The following SMC6 variants were observed in gnomAD, a reference collection of about 807,000 sequenced individuals.
SMC6 encodes structural maintenance of chromosomes 6, also known as structural maintenance of chromosomes protein 6.
SMC6 carries 79 observed loss-of-function variants against 142.2 expected under a neutral mutation model. The ratio of observed to expected loss-of-function variants is 0.56; its 90% CI spans 0.46 to 0.67. The LOEUF (loss-of-function observed/expected upper bound fraction) is 0.67, where lower values mean the gene tolerates loss of function less well. Among genes scored for constraint, SMC6 ranks in the 30% least tolerant of loss-of-function variants. The pLI is 0.00. For missense variants in SMC6, 1,072 were observed against 1,284.0 expected (o/e 0.83, Z 2.52); for synonymous variants, 411 against 412.4 (o/e 1.00, Z 0.04).
rs760329724 is a variant in SMC6, at chr2:17,701,941, TAAAA to T, written c.2143-36_2143-33del. The T allele has an allele frequency of 1.1e-5, 13 of 1,195,796 alleles. No individual in the cohort carries two copies. The East Asian group carries it at 3.3e-4, about 30-fold the overall frequency. The allele number at this position is 1,195,796 out of a possible 1,614,324, so 74.1% of individuals were successfully genotyped here. A position where few individuals can be genotyped will look rare whatever the true frequency, so the allele number is the denominator to read the frequency against. On this transcript the variant is annotated intron_variant, in intron 19 of 27. Transcript: ENST00000448223. ...GAAAAGTATTTGGATTTTAGTAACA[TAAAA>T]AAAAATTTAAACCGAAAACCTTGGA...
intron 16 of SMC6, among the ~76,000 whole-genome samples, chr2:17,714,161 C>T (rs1258398413): frequency 1.3e-5 from 2 of 150,450 alleles, no homozygotes; most frequent in African/African-American, 2.4e-5. Context: ...GACCTTGGCT[C>T]GCTGTATCAC....
chr2:17,748,078 T>A (rs1670847363), intron 2 of SMC6, among the ~76,000 whole-genome samples: 1 of 152,168 alleles, frequency 6.6e-6, no homozygotes, highest in Non-Finnish European at 1.5e-5. Flanking sequence ...TGTCATAAAT[T>A]ATAAGGCACA....
rs373338773 is a variant in SMC6, at chr2:17,726,480, C to T, written c.544-11G>A. ...AACTGGATTATCCACCTCAAACAAA[C>T]AAAAAGTCATTTTTGAATATTTTAC... On this transcript the variant is annotated splice_polypyrimidine_tract_variant and intron_variant, in intron 7 of 27. Transcript: ENST00000448223. The T allele has an allele frequency of 6.2e-7, 1 of 1,601,538 alleles. No individual in the cohort carries two copies. The highest frequency in any genetic ancestry group is 1.1e-5 in the South Asian group (1 of 89,096).
At chr2:17,728,739 C>T (rs1669753747) in intron 7 of SMC6, among the ~76,000 whole-genome samples, 1 of 144,890 alleles carries the variant, frequency 6.9e-6, no homozygotes, top group South Asian at 2.1e-4. Flanking sequence ...AAAATATACG[C>T]CAAGTCACAC....
rs556629599 is a variant in SMC6, at chr2:17,702,170, T to C, written c.2143-261A>G. Among the ~76,000 whole-genome samples the C allele has an allele frequency of 9.2e-5, 14 of 152,284 alleles. No homozygotes were observed. The East Asian group carries it at 2.7e-3, about 29-fold the overall frequency. On this transcript the variant is annotated intron_variant, in intron 19 of 27. Transcript: ENST00000448223. ...CATTTTAAATGATGGCACTGTTGAG[T>C]CCAACGAGAAAAATTTTTCTGAAAC...
At chr2:17,745,794 T>C in intron 3 of SMC6, 33 bp downstream of exon 3, 1 of 1,563,430 alleles carries the variant, frequency 6.4e-7, no homozygotes, top group South Asian at 1.2e-5. Flanking sequence ...GAAAAACATA[T>C]CAAAAAGCAT....
chr2:17,740,067 G>C (rs1187662149), intron 4 of SMC6, among the ~76,000 whole-genome samples: 1 of 152,104 alleles, frequency 6.6e-6, no homozygotes, highest in African/African-American at 2.4e-5. Flanking sequence ...TGCCTGTAAA[G>C]TTCCTATTCT....
At chr2:17,714,223 G>A (rs1668969432) in intron 16 of SMC6, among the ~76,000 whole-genome samples, 1 of 151,550 alleles carries the variant, frequency 6.6e-6, no homozygotes, top group Non-Finnish European at 1.5e-5. Flanking sequence ...AGCCTTCCAA[G>A]TAGCTGGGAC....
chr2:17,673,561 A>AT lies in SMC6; in HGVS notation c.2911-2987_2911-2986insA, dbSNP rs201556061. Among the ~76,000 whole-genome samples, 482 of 146,998 alleles carry AT rather than the reference A, an allele frequency of 3.3e-3. 1 individual carries two copies. Among genetic ancestry groups the AT allele is most frequent in the Middle Eastern group, 0.01 (3 of 288 alleles). ...GCTTACTGTTTATTATTTAAAAAAA[A>AT]ATTTTTTTTTTTAAATTTTTTTTTT... is the stretch of plus-strand genomic sequence containing the variant. On this transcript the variant is annotated intron_variant, in intron 25 of 27. Transcript: ENST00000448223.
chr2:17,734,928 C>T lies in SMC6; in HGVS notation c.345-3051G>A, dbSNP rs190408588. Reference sequence around the variant, plus strand: ...TGTATTTTTAGTAGAGACGGGGTTTCGCCATGTTGGCCAGGCTAGTCTTGA... The same window carrying T: ...TGTATTTTTAGTAGAGACGGGGTTTTGCCATGTTGGCCAGGCTAGTCTTGA... On this transcript the variant is annotated intron_variant, in intron 5 of 27. Coordinates refer to ENST00000448223, the MANE Select transcript of SMC6 (RefSeq NM_001142286.2). Among the ~76,000 whole-genome samples, 223 of 152,214 alleles carry T rather than the reference C, an allele frequency of 1.5e-3. 12 individuals carry two copies. The East Asian group carries it at 0.036, about 25-fold the overall frequency.
At chr2:17,738,466 C>A in intron 4 of SMC6, 140 bp from the exon 5 acceptor site, 1 of 523,548 alleles carries the variant, frequency 1.9e-6, no homozygotes, top group Non-Finnish European at 3.1e-6. Context: ...ATTTTCTTCC[C>A]GTGCAAAGCA....
rs1244260870 is a variant in SMC6 at position 17,716,764 on chromosome 2, G to C, written c.1323C>G (p.Asp441Glu). Residue 441 changes from aspartate to glutamate, a missense_variant, in exon 14 of 28, where the codon GAC (aspartate) becomes GAG (glutamate). Around this residue, in one of 3 missense-constraint regions of SMC6, gnomAD observed 994 missense variants for 1,153.2 expected, o/e 0.86. Transcript: ENST00000448223. ...IEQFQQAIEK[D>E]KEEHGKIKRE... is the part of the protein sequence containing the mutation. ...ACTTAATTTTGCCATGTTCTTCTTT[G>C]TCCTTTTCTATGGCTTGCTGAAACT... The C allele has an allele frequency of 1.2e-6, 2 of 1,608,980 alleles. No homozygotes were observed. The highest frequency in any genetic ancestry group is 1.7e-6 in the Non-Finnish European group (2 of 1,178,848).
chr2:17,748,340 T>C (rs893559106), intron 2 of SMC6, among the ~76,000 whole-genome samples: 1 of 152,102 alleles, frequency 6.6e-6, no homozygotes, highest in Non-Finnish European at 1.5e-5. Flanking sequence ...CCATGGAAAA[T>C]AACTGGGACT....
intron 26 of SMC6, among the ~76,000 whole-genome samples, chr2:17,669,234 G>A (rs981824998): frequency 6.6e-6 from 1 of 152,130 alleles, no homozygotes; most frequent in Non-Finnish European, 1.5e-5. Context: ...AAAAGAAAGA[G>A]GCTTTGAGAT....
chr2:17,731,745 T>G lies in SMC6; in HGVS notation c.477A>C (p.Ala159=), dbSNP rs1277759992. The change falls in exon 6 of 28, where the codon GCA becomes GCC. Residue 159 remains alanine (A), a synonymous_variant. Coordinates refer to ENST00000448223, the MANE Select transcript of SMC6 (RefSeq NM_001142286.2). ...DGSRSYKLKS[A]TGSVVSTRKE... The stretch of plus-strand genomic sequence containing the variant: ...GAAAAGAGAATCAAAACAAACCTGT[T>G]GCACTTTTAAGTTTATAAGATCGAC... 1.2e-6 allele frequency: 2 copies of G among 1,610,948 alleles called. No individual in the cohort carries two copies. The highest frequency in any genetic ancestry group is 1.7e-5 in the Admixed American group (1 of 59,164).
chr2:17,711,181 G>C (rs1668809461), intron 16 of SMC6, among the ~76,000 whole-genome samples: 2 of 152,138 alleles, frequency 1.3e-5, no homozygotes, highest in Admixed American at 1.3e-4. Context: ...GTTACTACCA[G>C]TTTCCTCTAA....
chr2:17,679,109 G>C (rs1377786616), intron 24 of SMC6, 145 bp from the exon 25 acceptor site: 1 of 544,680 alleles, frequency 1.8e-6, no homozygotes, highest in Non-Finnish European at 3.2e-6. Flanking sequence ...TTGAGTTTTA[G>C]GTAGTATTTT....
In SMC6 at chr2:17,666,368, C is replaced by A. The variant is rs146118494; in HGVS notation, c.3161+52G>T. 1,377 of 1,272,776 alleles carry A rather than the reference C, an allele frequency of 1.1e-3. 15 individuals carry two copies. The African/African-American group carries it at 0.018, about 16-fold the overall frequency. The allele number at this position is 1,272,776 out of a possible 1,614,324, so 78.8% of individuals were successfully genotyped here. ...TAAAAATTAAAATTGTAAAAGATTT[C>A]TTTCCCCCTTTTATATACTTGATAT... On this transcript the variant is annotated intron_variant, in intron 27 of 27. Coordinates refer to ENST00000448223, the MANE Select transcript of SMC6 (RefSeq NM_001142286.2).
At chr2:17,716,052 G>GT (rs1437226151) in intron 15 of SMC6, 34 bp downstream of exon 15, 1 of 1,423,846 alleles carries the variant, frequency 7.0e-7, no homozygotes, top group Non-Finnish European at 9.2e-7. Context: ...TATTTCTAAA[G>GT]TTTATTATAA....
Sources: gnomAD v4.1 joint callset for allele counts (sites outside exome capture counted in the v4.1 genomes callset) on GRCh38, gnomAD v4.1.1 for gene constraint, gnomAD v4.1.1 regional missense constraint, MANE v1.5 for transcripts, NCBI Gene and HGNC (gene_info 2026-07-23, HGNC 2026-07-21) for gene names.